Variants in MYO7A observed in about 807,000 individuals in gnomAD.
The protein encoded by MYO7A is myosin VIIA.
MYO7A carries 210 observed loss-of-function variants against 263.8 expected under a neutral mutation model. The ratio of observed to expected loss-of-function variants is 0.80; its 90% CI spans 0.71 to 0.89. MYO7A has a LOEUF of 0.89. MYO7A is among the 40% of genes least tolerant of loss of function. The pLI is 0.00. For missense variants in MYO7A, 2,820 were observed against 2,968.3 expected (o/e 0.95, Z 1.16); for synonymous variants, 1,239 against 1,197.3 (o/e 1.03, Z -0.72).
chr11:77,201,305 T>C, intron 35 of MYO7A, 143 bp from the exon 36 acceptor site: 1 of 795,658 alleles, frequency 1.3e-6, no homozygotes, highest in Non-Finnish European at 2.0e-6. Flanking sequence ...CTGGTGATGG[T>C]CTCTGTATGG....
intron 15 of MYO7A, among the ~76,000 whole-genome samples, chr11:77,166,520 T>G (rs1555072696): frequency 6.6e-6 from 1 of 151,970 alleles, no homozygotes; most frequent in East Asian, 1.9e-4. Context: ...GTGGGGTGGG[T>G]GTGGATACTC....
Position 77,158,425 on chromosome 11 carries a change from A to G in MYO7A, c.998A>G (p.Tyr333Cys), listed in dbSNP as rs1555065982. The G allele has an allele frequency of 1.2e-6, 2 of 1,611,486 alleles. No homozygotes were observed. The highest frequency in any genetic ancestry group is 1.1e-5 in the South Asian group (1 of 91,030). Residue 333 changes from tyrosine (Y) to cysteine (C), a missense_variant, in exon 9 of 49, where the codon TAT becomes TGT. Tyr to Cys is a radical substitution (Grantham distance 194). Coordinates refer to ENST00000409709, the MANE Select transcript of MYO7A (RefSeq NM_000260.4). ...AAILHLGNLQ[Y>C]EARTFENLDA... ...ATCCTGCACCTGGGCAACCTGCAGT[A>G]TGAGGGTGAGGCTGCGCCACACTCG...
Position 77,172,953 on chromosome 11 carries a change from A to C in MYO7A, c.1935+68A>C, listed in dbSNP as rs1431787696. ...GACGTGGAGGAGCTAGGTCAAGAAT[A>C]AGGTAGGGTGGGAGTGAAGGATGTG... On this transcript the variant is annotated intron_variant, in intron 16 of 48. Transcript: ENST00000409709. 12 of 1,497,294 alleles carry C rather than the reference A, an allele frequency of 8.0e-6. No homozygotes were observed. In the African/African-American group the frequency reaches 1.5e-4, roughly 19 times the overall value. 92.8% of individuals were successfully genotyped at this position (1,497,294 alleles called of 1,614,324 possible).
At chr11:77,147,472 A>G (rs1395299131) in intron 3 of MYO7A, among the ~76,000 whole-genome samples, 1 of 151,596 alleles carries the variant, frequency 6.6e-6, no homozygotes, top group African/African-American at 2.4e-5. Context: ...TCTAATTATT[A>G]CCCTTTCCAC....
At chr11:77,210,117 T>C (rs1957763697) in intron 44 of MYO7A, among the ~76,000 whole-genome samples, 1 of 152,238 alleles carries the variant, frequency 6.6e-6, no homozygotes, top group Non-Finnish European at 1.5e-5. Context: ...TATATTCTCT[T>C]ACAGCACTGT....
Position 77,158,450 on chromosome 11 carries a change from G to T in MYO7A, c.1003+20G>T, listed in dbSNP as rs782056661. ...ATGAGGGTGAGGCTGCGCCACACTCGCCCTGCCCCACCCCTGCGCCAAGGG... is the reference window on the plus strand; with the variant it reads ...ATGAGGGTGAGGCTGCGCCACACTCTCCCTGCCCCACCCCTGCGCCAAGGG... On this transcript the variant is annotated intron_variant, in intron 9 of 48. Transcript: ENST00000409709. 1.9e-6 allele frequency: 3 copies of T among 1,606,820 alleles called. No individual in the cohort carries two copies. The highest frequency in any genetic ancestry group is 1.7e-6 in the Non-Finnish European group (2 of 1,177,710).
At chr11:77,191,379 C>A (rs893043643) in intron 30 of MYO7A, among the ~76,000 whole-genome samples, 9 of 152,208 alleles carry the variant, frequency 5.9e-5, no homozygotes, top group Non-Finnish European at 7.3e-5. Context: ...GAAAACCCAG[C>A]AGTAGGATGT....
chr11:77,196,664 G>C (rs1045811541), intron 32 of MYO7A, among the ~76,000 whole-genome samples: 1 of 152,080 alleles, frequency 6.6e-6, no homozygotes, highest in Non-Finnish European at 1.5e-5. Context: ...ATTTGAGCTT[G>C]GGTTGGTGAC....
At position 77,172,820 on chromosome 11, in the gene MYO7A, A is replaced by T. The variant is rs1382176978; in HGVS notation, c.1870A>T (p.Thr624Ser). The T allele has an allele frequency of 6.4e-7, 1 of 1,553,170 alleles. No homozygotes were observed. The highest frequency in any genetic ancestry group is 1.4e-5 in the African/African-American group (1 of 73,104). ...FKRSLELLMRTLGACQPFFVR... is the reference protein window; with the variant it reads ...FKRSLELLMRSLGACQPFFVR... ...GCGGTCACTGGAGCTGCTGATGCGC[A>T]CGCTGGGTGCCTGCCAGCCCTTCTT... is the stretch of plus-strand genomic sequence containing the variant. The change falls in exon 16 of 49, where the codon ACG becomes TCG. Residue 624 changes from threonine (T) to serine (S), a missense_variant. Coordinates refer to ENST00000409709, the MANE Select transcript of MYO7A (RefSeq NM_000260.4).
intron 13 of MYO7A, 108 bp downstream of exon 13, chr11:77,162,438 C>T: frequency 4.5e-6 from 5 of 1,107,660 alleles, no homozygotes; most frequent in Non-Finnish European, 4.0e-6. Flanking sequence ...ATGATACCCA[C>T]CTCTCAAGTT....
At chr11:77,143,721 C>T (rs533413514) in intron 3 of MYO7A, among the ~76,000 whole-genome samples, 188 of 152,272 alleles carry the variant, frequency 1.2e-3, no homozygotes, top group South Asian at 8.5e-3. Context: ...CTGTGCCCTG[C>T]GGTGTGCCAG....
At chr11:77,212,527 G>A in intron 46 of MYO7A, 1 of 344,528 alleles carries the variant, frequency 2.9e-6, no homozygotes, top group Non-Finnish European at 5.7e-6. Flanking sequence ...CAGGCTGCGG[G>A]TGGAGGAGGG....
intron 2 of MYO7A, among the ~76,000 whole-genome samples, chr11:77,137,357 G>C (rs35929408): frequency 1.4e-5 from 2 of 146,192 alleles, no homozygotes; most frequent in East Asian, 2.3e-4. Flanking sequence ...CCAGTCCCCC[G>C]CCCCCACTCT....
intron 19 of MYO7A, 50 bp downstream of exon 19, chr11:77,177,693 C>A: frequency 6.7e-7 from 1 of 1,482,592 alleles, no homozygotes; most frequent in Non-Finnish European, 9.3e-7. Context: ...TACAGGTGTA[C>A]GTGTGGTGTT....
intron 20 of MYO7A, among the ~76,000 whole-genome samples, 152 bp downstream of exon 20, chr11:77,179,281 C>T (rs1555082254): frequency 1.3e-5 from 2 of 152,258 alleles, no homozygotes; most frequent in Non-Finnish European, 2.9e-5. Context: ...TTCCTCCAGA[C>T]CGAAGTCTGG....
intron 1 of MYO7A, among the ~76,000 whole-genome samples, chr11:77,129,956 G>C (rs530849755): frequency 2.1e-4 from 32 of 152,124 alleles, no homozygotes; most frequent in Admixed American, 1.6e-3. Flanking sequence ...GATTGTGCTG[G>C]GCCTAGCGGG....
intron 15 of MYO7A, among the ~76,000 whole-genome samples, chr11:77,170,681 C>T (rs988892053): frequency 1.6e-4 from 25 of 152,108 alleles, no homozygotes; most frequent in Non-Finnish European, 3.4e-4. Flanking sequence ...TCGGCTGTCC[C>T]ACTCTTTCCT....
rs556150042 is a variant in MYO7A, at chr11:77,214,123, A to G, written c.6558+144A>G. The stretch of plus-strand genomic sequence containing the variant: ...GTCATGCTGGGGCCAAGGTCAGGTC[A>G]GTTTGAGGCTCAGCTTAGGTCTGGG... On this transcript the variant is annotated intron_variant, in intron 48 of 48. Coordinates refer to ENST00000409709, the MANE Select transcript of MYO7A (RefSeq NM_000260.4). 4.3e-6 allele frequency: 5 copies of G among 1,153,452 alleles called. No individual in the cohort carries two copies. The East Asian group carries it at 1.0e-4, about 23-fold the overall frequency. 71.5% of individuals were successfully genotyped at this position (1,153,452 alleles called of 1,614,324 possible). A position where few individuals can be genotyped will look rare whatever the true frequency, so the allele number is the denominator to read the frequency against.
At chr11:77,204,319 C>G in intron 39 of MYO7A, 90 bp downstream of exon 39, 1 of 1,489,124 alleles carries the variant, frequency 6.7e-7, no homozygotes, top group Admixed American at 2.0e-5. Flanking sequence ...CTGGCTCTGC[C>G]TGGATGCAGT....
Sources: gnomAD v4.1 joint callset for allele counts (sites outside exome capture counted in the v4.1 genomes callset) on GRCh38, gnomAD v4.1.1 for gene constraint, MANE v1.5 for transcripts, NCBI Gene and HGNC (gene_info 2026-07-23, HGNC 2026-07-21) for gene names.